CSMD1: variants seen among roughly 807,000 people sequenced by gnomAD.
CSMD1 encodes CUB and sushi domain-containing protein 1.
In CSMD1, 213 loss-of-function variants were observed where a neutral mutation model predicts 417.5. The observed-to-expected ratio is 0.51, with a 90% CI of 0.46 to 0.57. The LOEUF (loss-of-function observed/expected upper bound fraction) is 0.57. CSMD1 is among the 20% of genes least tolerant of loss of function. The pLI, the probability that CSMD1 is intolerant of heterozygous loss-of-function variation, is 0.00. For synonymous variants in CSMD1, 2,862 were observed against 1,736.8 expected, an observed-to-expected ratio of 1.65 and a Z score of -16.11; for missense variants, 6,923 against 4,529.7, an observed-to-expected ratio of 1.53 and a Z score of -15.17.
chr8:4,723,971 C>A lies in CSMD1; in HGVS notation c.86-86413G>T, dbSNP rs146156690. 1.2e-3 allele frequency among the ~76,000 whole-genome samples: 189 copies of A among 152,056 alleles called. 2 individuals carry two copies. The highest frequency in any genetic ancestry group is 4.4e-3 in the African/African-American group (182 of 41,496). ...CTAGATAAGTGCATCCAATCTCGGG[C>A]AGAAAGAACGTGAAAACAATTTTTA... On this transcript the variant is annotated intron_variant, in intron 1 of 69. Coordinates refer to ENST00000635120, the MANE Select transcript of CSMD1 (RefSeq NM_033225.6).
At chr8:3,158,010 G>C (rs1360207029) in intron 38 of CSMD1, 44 bp from the exon 39 acceptor site, 7 of 1,408,706 alleles carry the variant, frequency 5.0e-6, no homozygotes, top group African/African-American at 1.4e-5. Context: ...ACTAAAAACA[G>C]AGTATTTAAG....
rs1224090196 is a variant in CSMD1, at chr8:3,039,305, TCTCC to T, written c.7661-9796_7661-9793del. On this transcript the variant is annotated intron_variant, in intron 50 of 69. Coordinates refer to ENST00000635120, the MANE Select transcript of CSMD1 (RefSeq NM_033225.6). ...CCTTCTTTTCCTTACTTCCTTCCTC[TCTCC>T]CTCCCTTCCTTCTTTTCCTTTCTTT... Among the ~76,000 whole-genome samples the T allele has an allele frequency of 5.1e-4, 75 of 147,410 alleles. No homozygotes were observed. In the East Asian group the frequency reaches 9.7e-3, roughly 19 times the overall value.
Position 4,870,471 on chromosome 8 carries a change from T to C in CSMD1, c.85+123861A>G, listed in dbSNP as rs985669684. ...TGCACTGAAATGTATAGAGCCAGTC[T>C]TTCTTTTGATAGACATGTTTGGGTT... On this transcript the variant is annotated intron_variant, in intron 1 of 69. Coordinates refer to ENST00000635120, the MANE Select transcript of CSMD1 (RefSeq NM_033225.6). Among the ~76,000 whole-genome samples the C allele has an allele frequency of 2.0e-5, 3 of 152,142 alleles. No homozygotes were observed. In the South Asian group the frequency reaches 6.2e-4, roughly 31 times the overall value.
intron 6 of CSMD1, among the ~76,000 whole-genome samples, chr8:3,749,746 C>G (rs182165829): frequency 6.6e-6 from 1 of 151,690 alleles, no homozygotes; most frequent in African/African-American, 2.4e-5. Context: ...TTTCCTTTCA[C>G]GAAATATTGT....
chr8:4,377,677 T>C (rs1453246192), intron 3 of CSMD1, among the ~76,000 whole-genome samples: 2 of 152,230 alleles, frequency 1.3e-5, no homozygotes, highest in Non-Finnish European at 2.9e-5. Context: ...TATATTTCTA[T>C]TAAGCTTTTA....
At chr8:4,552,079 T>A (rs1171246309) in intron 2 of CSMD1, among the ~76,000 whole-genome samples, 1 of 152,196 alleles carries the variant, frequency 6.6e-6, no homozygotes, top group African/African-American at 2.4e-5. Flanking sequence ...TTGAATGAAA[T>A]AAGGAACTGA....
chr8:4,086,471 G>T (rs78450710), intron 3 of CSMD1, among the ~76,000 whole-genome samples: 2 of 151,930 alleles, frequency 1.3e-5, no homozygotes, highest in African/African-American at 2.4e-5. Context: ...TCATTAATTC[G>T]TTCTGACTGT....
chr8:4,864,708 C>G (rs1362421840), intron 1 of CSMD1, among the ~76,000 whole-genome samples: 3 of 151,700 alleles, frequency 2.0e-5, no homozygotes, highest in Non-Finnish European at 4.4e-5. Flanking sequence ...GCAGAAACTA[C>G]CTTTGAATTT....
At chr8:4,282,803 A>T (rs1160370343) in intron 3 of CSMD1, among the ~76,000 whole-genome samples, 1 of 152,160 alleles carries the variant, frequency 6.6e-6, no homozygotes, top group Non-Finnish European at 1.5e-5. Context: ...TTCATAATGG[A>T]GTCGGGTATA....
intron 5 of CSMD1, among the ~76,000 whole-genome samples, chr8:3,903,399 T>G (rs1807895840): frequency 6.6e-6 from 1 of 152,148 alleles, no homozygotes; most frequent in Admixed American, 6.6e-5. Context: ...TCATAAGCTT[T>G]CCAATGCCAG....
intron 1 of CSMD1, among the ~76,000 whole-genome samples, chr8:4,735,933 G>T (rs763277465): frequency 6.6e-6 from 1 of 152,176 alleles, no homozygotes; most frequent in Admixed American, 6.5e-5. Flanking sequence ...AGTAGCCACC[G>T]GTTGCAACAT....
intron 5 of CSMD1, among the ~76,000 whole-genome samples, chr8:3,809,550 A>G (rs1390386437): frequency 6.6e-6 from 1 of 152,136 alleles, no homozygotes; most frequent in Non-Finnish European, 1.5e-5. Context: ...ATTGCCATGC[A>G]TCGGATTCAC....
At chr8:4,944,930 G>A (rs1169640953) in intron 1 of CSMD1, among the ~76,000 whole-genome samples, 1 of 152,106 alleles carries the variant, frequency 6.6e-6, no homozygotes, top group African/African-American at 2.4e-5. Context: ...CGACATCAGG[G>A]TCTCACAGAG....
At chr8:3,644,670 C>G (rs964213331) in intron 7 of CSMD1, among the ~76,000 whole-genome samples, 1 of 152,094 alleles carries the variant, frequency 6.6e-6, no homozygotes, top group Non-Finnish European at 1.5e-5. Context: ...GTTCAAGTGG[C>G]TGAAGAAGAG....
At chr8:4,007,620 T>G (rs1286542910) in intron 4 of CSMD1, among the ~76,000 whole-genome samples, 2 of 152,200 alleles carry the variant, frequency 1.3e-5, no homozygotes, top group Non-Finnish European at 2.9e-5. Context: ...GAGCCTGTTC[T>G]TGCACTTGCG....
chr8:4,516,274 G>A (rs1421400811), intron 2 of CSMD1, among the ~76,000 whole-genome samples: 2 of 152,094 alleles, frequency 1.3e-5, no homozygotes, highest in African/African-American at 4.8e-5. Flanking sequence ...AGGGGCCTCA[G>A]GAGAAACCAA....
chr8:3,489,906 C>T (rs931088916), intron 11 of CSMD1, among the ~76,000 whole-genome samples: 2 of 152,152 alleles, frequency 1.3e-5, no homozygotes, highest in African/African-American at 2.4e-5. Context: ...AGGTTTTAAA[C>T]TGCTGCTTTA....
intron 3 of CSMD1, among the ~76,000 whole-genome samples, chr8:4,281,965 T>A (rs1330244683): frequency 6.6e-6 from 1 of 152,218 alleles, no homozygotes; most frequent in Non-Finnish European, 1.5e-5. Flanking sequence ...TGATCAGGTT[T>A]ACCAATTGCA....
chr8:3,772,602 C>T (rs1467828857), intron 5 of CSMD1, among the ~76,000 whole-genome samples: 1 of 138,720 alleles, frequency 7.2e-6, no homozygotes. Flanking sequence ...TACATATATA[C>T]ACATATATTT....
Sources: allele counts gnomAD v4.1 joint callset (sites outside exome capture counted in the v4.1 genomes callset), GRCh38; gene constraint gnomAD v4.1.1; transcripts MANE v1.5; gene names NCBI Gene and HGNC (gene_info 2026-07-23, HGNC 2026-07-21).